The following ST8SIA5 variants were observed in gnomAD, a reference collection of about 807,000 sequenced individuals.
ST8SIA5 encodes the protein ST8 alpha-N-acetyl-neuraminide alpha-2,8-sialyltransferase 5, also known as alpha-2,8-sialyltransferase 8E.
Under a neutral mutation model 40.2 loss-of-function variants are expected in ST8SIA5, and 24 were observed. That is an observed-to-expected ratio of 0.60 (90% confidence interval 0.43 to 0.84). The LOEUF (loss-of-function observed/expected upper bound fraction) is 0.84. ST8SIA5 is among the 40% of genes least tolerant of loss of function. ST8SIA5 has a pLI of 0.00. For missense variants in ST8SIA5, 465 were observed against 498.5 expected, an observed-to-expected ratio of 0.93 and a Z score of 0.64; for synonymous variants, 198 against 201.8, an observed-to-expected ratio of 0.98 and a Z score of 0.16.
chr18:46,679,711 C>T lies in ST8SIA5; in HGVS notation c.*331G>A, dbSNP rs991312889. 5.8e-6 allele frequency: 2 copies of T among 345,196 alleles called. No individual in the cohort carries two copies. Among genetic ancestry groups the T allele is most frequent in the Non-Finnish European group, 1.1e-5 (2 of 185,638 alleles). The allele number at this position is 345,196 out of a possible 1,614,324, so 21.4% of individuals were successfully genotyped here. On this transcript the variant is annotated 3_prime_UTR_variant, in exon 7 of 7. Coordinates refer to ENST00000315087, the MANE Select transcript of ST8SIA5 (RefSeq NM_013305.6). ...GCAGTTTGTGCTCTCTCTCGGATGA[C>T]AAAATTGGGTGGAAATGTGCTTTAT...
intron 1 of ST8SIA5, among the ~76,000 whole-genome samples, chr18:46,735,571 A>G (rs2040026008): frequency 6.6e-6 from 1 of 152,202 alleles, no homozygotes. Context: ...GATGGATTGT[A>G]TCAATGTGAA....
chr18:46,742,040 T>G (rs1418989026), intron 1 of ST8SIA5, among the ~76,000 whole-genome samples: 1 of 151,774 alleles, frequency 6.6e-6, no homozygotes. Flanking sequence ...AGGTGGAGGT[T>G]GCAGTGAGCC....
chr18:46,726,003 ATATATAT>A (rs2144537124), intron 1 of ST8SIA5, among the ~76,000 whole-genome samples: 1 of 72,822 alleles, frequency 1.4e-5, no homozygotes, highest in East Asian at 8.1e-4. Context: ...ATATATATAT[ATATATAT>A]CCTGGATATA....
rs1307473098 is a variant in ST8SIA5 at position 46,672,636 on chromosome 18, A to C, written c.*7406T>G. On this transcript the variant is annotated 3_prime_UTR_variant, in exon 7 of 7. Coordinates refer to ENST00000315087, the MANE Select transcript of ST8SIA5 (RefSeq NM_013305.6). Reference sequence around the variant, plus strand: ...TTTGAAATAAAAAAAAAAAAAAAGAAAGGTTCTCAGAAGAGACTGTGCAGG... The same window carrying C: ...TTTGAAATAAAAAAAAAAAAAAAGACAGGTTCTCAGAAGAGACTGTGCAGG... 6 of 150,734 alleles carry C rather than the reference A, an allele frequency of 4.0e-5. No homozygotes were observed. The South Asian group carries it at 8.4e-4, about 21-fold the overall frequency. 9.3% of individuals were successfully genotyped at this position (150,734 alleles called of 1,614,324 possible).
At chr18:46,718,158 G>A (rs767907646) in intron 1 of ST8SIA5, among the ~76,000 whole-genome samples, 7 of 152,008 alleles carry the variant, frequency 4.6e-5, no homozygotes, top group East Asian at 3.9e-4. Context: ...GTGAAACCCC[G>A]TCTCTACTAA....
At chr18:46,708,734 G>A (rs1490260218) in intron 1 of ST8SIA5, among the ~76,000 whole-genome samples, 1 of 152,084 alleles carries the variant, frequency 6.6e-6, no homozygotes, top group Non-Finnish European at 1.5e-5. Flanking sequence ...TCCCAACGAC[G>A]GCTCTTGCCC....
At chr18:46,732,781 C>T (rs1309257129) in intron 1 of ST8SIA5, among the ~76,000 whole-genome samples, 1 of 152,080 alleles carries the variant, frequency 6.6e-6, no homozygotes, top group Non-Finnish European at 1.5e-5. Flanking sequence ...CAACCCAGGG[C>T]CAACTGGGTT....
rs201658259 is a variant in ST8SIA5, at chr18:46,680,206, C to T, written c.967G>A (p.Ala323Thr). The change falls in exon 7 of 7, where the codon GCC (alanine) becomes ACC (threonine). Residue 323 changes from alanine (A) to threonine (T), a missense_variant. Ala to Thr is a moderately conservative substitution (Grantham distance 58). Coordinates refer to ENST00000315087, the MANE Select transcript of ST8SIA5 (RefSeq NM_013305.6). ...CEEVHLFGFW[A>T]FPMNPSGLYI... is the part of the protein sequence containing the mutation. ...AGGCCCGAGGGGTTCATGGGGAAGG[C>T]CCAGAAGCCAAAGAGGTGCACCTCC... 3.7e-6 allele frequency: 6 copies of T among 1,614,206 alleles called. No homozygotes were observed. In the East Asian group the frequency reaches 6.7e-5, roughly 18 times the overall value.
intron 2 of ST8SIA5, among the ~76,000 whole-genome samples, chr18:46,704,215 T>C (rs2039646613): frequency 6.6e-6 from 1 of 152,200 alleles, no homozygotes; most frequent in Non-Finnish European, 1.5e-5. Flanking sequence ...AACCCTGCGG[T>C]GCAACATACT....
At chr18:46,683,065 G>T (rs2039413607) in intron 5 of ST8SIA5, among the ~76,000 whole-genome samples, 1 of 152,054 alleles carries the variant, frequency 6.6e-6, no homozygotes, top group East Asian at 1.9e-4. Context: ...AACGAATACG[G>T]CCCTAAACAA....
rs1170989175 is a variant in ST8SIA5 at position 46,670,182 on chromosome 18, AGACTTTTGT to A, written c.*9851_*9859del. The A allele has an allele frequency of 1.3e-5, 2 of 152,224 alleles. No homozygotes were observed. The highest frequency in any genetic ancestry group is 3.8e-4 in the East Asian group (2 of 5,202). 9.4% of individuals were successfully genotyped at this position (152,224 alleles called of 1,614,324 possible). A position where few individuals can be genotyped will look rare whatever the true frequency, so the allele number is the denominator to read the frequency against. On this transcript the variant is annotated 3_prime_UTR_variant, in exon 7 of 7. Transcript: ENST00000315087. ...CTGAGCATTTATCTTTTAAGCACCA[AGACTTTTGT>A]GAAAGTATTTTAACTGTTTGGGGAT...
intron 1 of ST8SIA5, chr18:46,723,320 G>A (rs897611899): frequency 1.3e-5 from 2 of 152,258 alleles, no homozygotes; most frequent in Non-Finnish European, 2.9e-5. Context: ...GGGAGGCCGA[G>A]GTGAGTGGAT....
At chr18:46,719,838 C>CTTTCTT (rs756825864) in intron 1 of ST8SIA5, among the ~76,000 whole-genome samples, 1 of 134,076 alleles carries the variant, frequency 7.5e-6, no homozygotes, top group Non-Finnish European at 1.6e-5. Flanking sequence ...TTCTTTCTTT[C>CTTTCTT]TCTCTCTCTT....
chr18:46,736,532 G>A (rs1270980060), intron 1 of ST8SIA5, among the ~76,000 whole-genome samples: 1 of 152,166 alleles, frequency 6.6e-6, no homozygotes, highest in Non-Finnish European at 1.5e-5. Context: ...GCCTAACATG[G>A]AAGGAAGAGA....
At chr18:46,725,273 A>G (rs1362954668) in intron 1 of ST8SIA5, among the ~76,000 whole-genome samples, 1 of 152,210 alleles carries the variant, frequency 6.6e-6, no homozygotes, top group Non-Finnish European at 1.5e-5. Context: ...TTTGCAAACT[A>G]GTTAGTTCAC....
At chr18:46,741,152 A>G (rs2040083174) in intron 1 of ST8SIA5, among the ~76,000 whole-genome samples, 1 of 152,156 alleles carries the variant, frequency 6.6e-6, no homozygotes, top group South Asian at 2.1e-4. Context: ...TAAAAAACAG[A>G]AAAAGAAACA....
chr18:46,720,442 T>C (rs920921997), intron 1 of ST8SIA5, among the ~76,000 whole-genome samples: 6 of 152,150 alleles, frequency 3.9e-5, no homozygotes, highest in Non-Finnish European at 8.8e-5. Flanking sequence ...CTGTGGACAT[T>C]TGCTTGACTG....
At chr18:46,715,117 C>T (rs1028432777) in intron 1 of ST8SIA5, among the ~76,000 whole-genome samples, 3 of 152,242 alleles carry the variant, frequency 2.0e-5, no homozygotes, top group Non-Finnish European at 4.4e-5. Context: ...CAGCCCAGAA[C>T]ATTCCACCAA....
intron 1 of ST8SIA5, among the ~76,000 whole-genome samples, chr18:46,728,500 T>C (rs887946523): frequency 1.3e-5 from 2 of 152,182 alleles, no homozygotes; most frequent in Non-Finnish European, 2.9e-5. Context: ...AGAGGCTGAA[T>C]CTATGGGGCA....
Sources: gnomAD v4.1 joint callset for allele counts (sites outside exome capture counted in the v4.1 genomes callset) on GRCh38, gnomAD v4.1.1 for gene constraint, MANE v1.5 for transcripts, NCBI Gene and HGNC (gene_info 2026-07-23, HGNC 2026-07-21) for gene names.